The following EPS8 variants were observed in gnomAD, a reference collection of about 807,000 sequenced individuals.
The protein encoded by EPS8 is epidermal growth factor receptor kinase substrate 8.
Under a neutral mutation model 103.8 loss-of-function variants are expected in EPS8, and 42 were observed. The observed-to-expected ratio is 0.40, with a 90% CI of 0.32 to 0.52. The LOEUF is 0.52. Ranked by LOEUF, EPS8 falls within the 20% of genes least tolerant of loss-of-function variation. The probability of loss-of-function intolerance (pLI) is 0.40; values close to 1 mark genes in which losing one functional copy is unlikely to be tolerated. For synonymous variants in EPS8, 344 were observed against 344.6 expected, an observed-to-expected ratio of 1.00 and a Z score of 0.02; for missense variants, 969 against 1,005.1, an observed-to-expected ratio of 0.96 and a Z score of 0.49.
In EPS8 at chr12:15,761,683, G is replaced by GA. The variant is rs910799347; in HGVS notation, c.-22+27477dup. Reference sequence around the variant, plus strand: ...AAAGGTGCCAAGAACATACACTGGGGAAAAGACAGACTCTTCAATAAATGG... The same window carrying GA: ...AAAGGTGCCAAGAACATACACTGGGGAAAAAGACAGACTCTTCAATAAATGG... On this transcript the variant is annotated intron_variant, in intron 1 of 20. Transcript: ENST00000281172. This position sits in a 1 kb window ranked among gnomAD's most constrained non-coding sequence, Gnocchi z 4.5. 5.9e-5 allele frequency among the ~76,000 whole-genome samples: 9 copies of GA among 152,034 alleles called. No individual in the cohort carries two copies. The highest frequency in any genetic ancestry group is 8.8e-5 in the Non-Finnish European group (6 of 67,996).
intron 3 of EPS8, among the ~76,000 whole-genome samples, chr12:15,680,497 T>C (rs1369308971): frequency 2.0e-5 from 3 of 152,194 alleles, no homozygotes; most frequent in African/African-American, 7.2e-5. Flanking sequence ...GGTAAATTAA[T>C]TTGCCCAAGA....
At chr12:15,694,886 C>T (rs989637855) in intron 1 of EPS8, among the ~76,000 whole-genome samples, 1 of 152,012 alleles carries the variant, frequency 6.6e-6, no homozygotes, top group Non-Finnish European at 1.5e-5. Flanking sequence ...AATAGAAGTT[C>T]TCAAAACCAG....
At chr12:15,662,226 C>A in intron 8 of EPS8, 127 bp from the exon 9 acceptor site, 1 of 1,513,930 alleles carries the variant, frequency 6.6e-7, no homozygotes, top group South Asian at 1.3e-5. Flanking sequence ...ACTGGATACA[C>A]AAGTCAAAAC....
chr12:15,750,292 A>G (rs967023182), intron 1 of EPS8, among the ~76,000 whole-genome samples: 1 of 152,194 alleles, frequency 6.6e-6, no homozygotes, highest in Non-Finnish European at 1.5e-5. Flanking sequence ...ACACAAAAAA[A>G]TTCTCCTATT....
chr12:15,719,546 T>C (rs1289925143), intron 1 of EPS8, among the ~76,000 whole-genome samples: 1 of 152,174 alleles, frequency 6.6e-6, no homozygotes, highest in Non-Finnish European at 1.5e-5. Flanking sequence ...CAACACATGA[T>C]CTGAAGCTGA....
chr12:15,655,946 A>G (rs1945500501), intron 12 of EPS8, among the ~76,000 whole-genome samples: 1 of 152,216 alleles, frequency 6.6e-6, no homozygotes, highest in African/African-American at 2.4e-5. Context: ...CATTAAATGG[A>G]CCAGCAAAAT....
At chr12:15,638,399 T>C (rs1031540335) in intron 17 of EPS8, among the ~76,000 whole-genome samples, 1 of 152,184 alleles carries the variant, frequency 6.6e-6, no homozygotes, top group African/African-American at 2.4e-5. Context: ...AAGGTCTTAG[T>C]GGTTTTGTTG....
intron 1 of EPS8, among the ~76,000 whole-genome samples, chr12:15,766,496 C>CA (rs57577551): frequency 0.069 from 8,319 of 121,024 alleles, 854 homozygotes; most frequent in African/African-American, 0.23. Flanking sequence ...GACTCCATCT[C>CA]AAAAAAAAAA....
intron 1 of EPS8, among the ~76,000 whole-genome samples, chr12:15,722,560 C>T (rs1946608551): frequency 2.6e-5 from 4 of 152,136 alleles, no homozygotes; most frequent in East Asian, 1.9e-4. Context: ...ATTTCCCTCC[C>T]GAGATGTTAC....
At chr12:15,739,719 C>T (rs1196718035) in intron 1 of EPS8, among the ~76,000 whole-genome samples, 1 of 152,102 alleles carries the variant, frequency 6.6e-6, no homozygotes, top group African/African-American at 2.4e-5. Flanking sequence ...TGGGACTTCT[C>T]AGCCTCCACA....
chr12:15,768,422 T>C, intron 1 of EPS8, among the ~76,000 whole-genome samples: 3 of 90,674 alleles, frequency 3.3e-5, no homozygotes, highest in East Asian at 4.1e-4. Flanking sequence ...TGCAAGAGAC[T>C]CCATCTCAAA....
At chr12:15,655,848 C>T (rs1292210714) in intron 12 of EPS8, among the ~76,000 whole-genome samples, 4 of 152,212 alleles carry the variant, frequency 2.6e-5, no homozygotes, top group Non-Finnish European at 4.4e-5. Context: ...AAAGCCACTA[C>T]ATCATGCTGG....
chr12:15,754,194 G>T (rs1480012682), intron 1 of EPS8, among the ~76,000 whole-genome samples: 2 of 151,456 alleles, frequency 1.3e-5, no homozygotes, highest in Middle Eastern at 3.4e-3. Context: ...GTCACACTAA[G>T]TGTTGGCCTG....
intron 17 of EPS8, among the ~76,000 whole-genome samples, chr12:15,636,608 C>T (rs1247601778): frequency 6.6e-6 from 1 of 152,046 alleles, no homozygotes; most frequent in East Asian, 1.9e-4. Flanking sequence ...CACTTGTGCC[C>T]TTCACCCAGA....
Position 15,736,906 on chromosome 12 carries a change from T to A in EPS8, c.-22+52255A>T, listed in dbSNP as rs114988892. Among the ~76,000 whole-genome samples, 1,216 of 152,280 alleles carry A rather than the reference T, an allele frequency of 8.0e-3. 16 individuals are homozygous for A. Among genetic ancestry groups the A allele is most frequent in the African/African-American group, 0.027 (1,135 of 41,566 alleles). On this transcript the variant is annotated intron_variant, in intron 1 of 20. Coordinates refer to ENST00000281172, the MANE Select transcript of EPS8 (RefSeq NM_004447.6). The surrounding 1 kb of genome is among the most constrained non-coding windows in gnomAD (Gnocchi z 4.2). ...AAGGATGGGATGTGCTCAATGCTTA[T>A]AAGAAAAATTATCCTAAATACTTAA...
In EPS8 at chr12:15,747,068, T is replaced by A. The variant is rs11056629; in HGVS notation, c.-22+42093A>T. Among the ~76,000 whole-genome samples the A allele has an allele frequency of 2.8e-3, 434 of 152,306 alleles. 7 individuals carry two copies. In the East Asian group the frequency reaches 0.031, roughly 11 times the overall value. ...TACATATTTTGTACGCAGGAAGTGTTCAGAGAAAATAAACAAACTTTTCAA... is the reference window on the plus strand; with the variant it reads ...TACATATTTTGTACGCAGGAAGTGTACAGAGAAAATAAACAAACTTTTCAA... On this transcript the variant is annotated intron_variant, in intron 1 of 20. Transcript: ENST00000281172. The surrounding 1 kb of genome is among the most constrained non-coding windows in gnomAD (Gnocchi z 4.4).
chr12:15,710,692 A>T (rs1273464935), intron 1 of EPS8, among the ~76,000 whole-genome samples: 1 of 152,182 alleles, frequency 6.6e-6, no homozygotes, highest in East Asian at 1.9e-4. Context: ...TTACATGTCA[A>T]ATTAAACAAG....
intron 8 of EPS8, chr12:15,665,334 A>ATTT: frequency 1.3e-5 from 2 of 159,310 alleles, no homozygotes; most frequent in Admixed American, 6.7e-5. Flanking sequence ...CTAAGATTTG[A>ATTT]TTTTTTTTTT....
At chr12:15,630,332 A>G (rs970877042) in intron 18 of EPS8, among the ~76,000 whole-genome samples, 5 of 152,194 alleles carry the variant, frequency 3.3e-5, no homozygotes, top group Non-Finnish European at 7.3e-5. Context: ...GGTAAAGCCA[A>G]GTAACTTTAT....
Sources: gnomAD v4.1 joint callset for allele counts (sites outside exome capture counted in the v4.1 genomes callset) on GRCh38, gnomAD v4.1.1 for gene constraint, Gnocchi (gnomAD v3.1) non-coding constraint, MANE v1.5 for transcripts, NCBI Gene and HGNC (gene_info 2026-07-23, HGNC 2026-07-21) for gene names.